The following MFSD6 variants were observed in gnomAD, a reference collection of about 807,000 sequenced individuals.
MFSD6 encodes the protein major facilitator superfamily domain containing 6, also known as major facilitator superfamily domain-containing protein 6.
MFSD6 carries 26 observed loss-of-function variants against 56.3 expected under a neutral mutation model. The ratio of observed to expected loss-of-function variants is 0.46; its 90% confidence interval spans 0.34 to 0.64. The LOEUF (loss-of-function observed/expected upper bound fraction) is 0.64, where lower values mean the gene tolerates loss of function less well. Among genes scored for constraint, MFSD6 ranks in the 30% least tolerant of loss-of-function variants. The probability of loss-of-function intolerance (pLI) is 0.01; values close to 1 mark genes in which losing one functional copy is unlikely to be tolerated. For synonymous variants in MFSD6, 331 were observed against 366.9 expected (o/e 0.90, Z 1.12); for missense variants, 750 against 986.2 (o/e 0.76, Z 3.21).
chr2:190,428,843 T>TTGTA (rs1301511729), intron 2 of MFSD6, among the ~76,000 whole-genome samples: 12 of 151,948 alleles, frequency 7.9e-5, no homozygotes, highest in Admixed American at 7.9e-4. Flanking sequence ...TGGCTAATTT[T>TTGTA]TTTAGTTTTA....
At chr2:190,427,426 A>G (rs774339029) in intron 2 of MFSD6, among the ~76,000 whole-genome samples, 4 of 152,190 alleles carry the variant, frequency 2.6e-5, no homozygotes, top group East Asian at 1.9e-4. Flanking sequence ...GTTATTATCT[A>G]AAGTTCTGTG....
At chr2:190,460,942 A>C (rs1357342125) in intron 3 of MFSD6, among the ~76,000 whole-genome samples, 1 of 152,212 alleles carries the variant, frequency 6.6e-6, no homozygotes, top group Non-Finnish European at 1.5e-5. Flanking sequence ...CTGATGATCC[A>C]TGCAGCTCTT....
chr2:190,410,623 C>T lies in MFSD6; in HGVS notation c.-176+2120C>T, dbSNP rs1198276945. ...GTTGTAGATTGAAGGCAGTATGAAGCTGACAGGTTTCTTTGTTTTACTTCC... is the reference window on the plus strand; with the variant it reads ...GTTGTAGATTGAAGGCAGTATGAAGTTGACAGGTTTCTTTGTTTTACTTCC... On this transcript the variant is annotated intron_variant, in intron 1 of 7. Coordinates refer to ENST00000392328, the MANE Select transcript of MFSD6 (RefSeq NM_017694.4). The surrounding 1 kb of genome is among the most constrained non-coding windows in gnomAD (Gnocchi z 4.4). 3.9e-5 allele frequency among the ~76,000 whole-genome samples: 6 copies of T among 152,208 alleles called. No homozygotes were observed. Among genetic ancestry groups the T allele is most frequent in the Non-Finnish European group, 8.8e-5 (6 of 68,038 alleles).
In MFSD6 at chr2:190,497,520, CAGA is replaced by C. The variant is rs1689772162; in HGVS notation, c.1977_1979del (p.Glu659del). 5.6e-6 allele frequency: 9 copies of C among 1,614,178 alleles called. No homozygotes were observed. The highest frequency in any genetic ancestry group is 1.6e-4 in the Middle Eastern group (1 of 6,062). On this transcript the variant is annotated inframe_deletion, in exon 7 of 8. Coordinates refer to ENST00000392328, the MANE Select transcript of MFSD6 (RefSeq NM_017694.4). This position sits in a 1 kb window ranked among gnomAD's most constrained non-coding sequence, Gnocchi z 5.2. ...ACCATCGACTTGGTACAGCAACAGACAGAAGATGTCATGCCACGCATTGAGCCC... is the reference window on the plus strand; with the variant it reads ...ACCATCGACTTGGTACAGCAACAGACAGATGTCATGCCACGCATTGAGCCC...
chr2:190,466,060 C>G (rs4853509), intron 3 of MFSD6, among the ~76,000 whole-genome samples: 84,262 of 152,064 alleles, frequency 0.55, 24,278 homozygotes, highest in Admixed American at 0.65. Context: ...AAGGGCCTCT[C>G]TCTTTGGCTT....
intron 3 of MFSD6, among the ~76,000 whole-genome samples, chr2:190,453,609 G>T (rs1469146330): frequency 6.6e-6 from 1 of 152,296 alleles, no homozygotes; most frequent in East Asian, 1.9e-4. Context: ...TCTAACGTGG[G>T]CATAAAAATT....
chr2:190,480,968 G>A (rs970164584), intron 4 of MFSD6, among the ~76,000 whole-genome samples: 1 of 152,184 alleles, frequency 6.6e-6, no homozygotes, highest in African/African-American at 2.4e-5. Context: ...ATTAAAGCCT[G>A]GCTATGAATT....
chr2:190,478,827 G>A (rs1688493158), intron 4 of MFSD6, among the ~76,000 whole-genome samples: 1 of 57,536 alleles, frequency 1.7e-5, no homozygotes, highest in African/African-American at 4.4e-5. Flanking sequence ...ATACAAGAGG[G>A]TCTTCCTTAA....
chr2:190,450,518 GGTCTCACTCT>G (rs1325756590), intron 3 of MFSD6, among the ~76,000 whole-genome samples: 1 of 112,334 alleles, frequency 8.9e-6, no homozygotes, highest in East Asian at 2.4e-4. Flanking sequence ...TTGAGACAGG[GGTCTCACTCT>G]GTCTCCCAGG....
rs752174884 is a variant in MFSD6 at position 190,488,722 on chromosome 2, C to T, written c.1696C>T (p.Leu566=). The stretch of plus-strand genomic sequence containing the variant: ...CCTCAGTGCAGCCGTTCCCCCTGAG[C>T]TGAGGACATCTGCTCAGGGCATCCT... ...SYLSAAVPPE[L]RTSAQGILQG... is the part of the protein sequence containing the mutation. Residue 566 remains leucine (L), a synonymous_variant, in exon 5 of 8, where the codon CTG becomes TTG. Coordinates refer to ENST00000392328, the MANE Select transcript of MFSD6 (RefSeq NM_017694.4). This position sits in a 1 kb window ranked among gnomAD's most constrained non-coding sequence, Gnocchi z 6.4. 75 of 1,609,400 alleles carry T rather than the reference C, an allele frequency of 4.7e-5. No homozygotes were observed. Among genetic ancestry groups the T allele is most frequent in the Non-Finnish European group, 4.0e-5 (47 of 1,178,046 alleles).
rs1252371575 is a variant in MFSD6 at position 190,489,939 on chromosome 2, C to A, written c.1891+73C>A. 1.5e-6 allele frequency: 2 copies of A among 1,298,308 alleles called. No homozygotes were observed. The highest frequency in any genetic ancestry group is 2.1e-5 in the Admixed American group (1 of 47,870). 80.4% of individuals were successfully genotyped at this position (1,298,308 alleles called of 1,614,324 possible). Reference sequence around the variant, plus strand: ...GGAAGTCAACAAATGCCCCGAGAAGCCTAGAAGTGGTACAGAGTATACAAC... The same window carrying A: ...GGAAGTCAACAAATGCCCCGAGAAGACTAGAAGTGGTACAGAGTATACAAC... On this transcript the variant is annotated intron_variant, in intron 6 of 7. Coordinates refer to ENST00000392328, the MANE Select transcript of MFSD6 (RefSeq NM_017694.4). This position sits in a 1 kb window ranked among gnomAD's most constrained non-coding sequence, Gnocchi z 6.6.
At chr2:190,427,924 G>T (rs1216043788) in intron 2 of MFSD6, among the ~76,000 whole-genome samples, 2 of 152,108 alleles carry the variant, frequency 1.3e-5, no homozygotes, top group African/African-American at 2.4e-5. Context: ...TAGAGATGGG[G>T]TTTCACCACG....
rs1463152245 is a variant in MFSD6, at chr2:190,437,420, T to C, written c.1391T>C (p.Val464Ala). The C allele has an allele frequency of 6.2e-7, 1 of 1,614,112 alleles. No individual in the cohort carries two copies. The change falls in exon 3 of 8, where the codon GTG becomes GCG. Residue 464 changes from valine (V) to alanine (A), a missense_variant. Val to Ala is a moderately conservative substitution (Grantham distance 64). This residue lies in a region of MFSD6 where 125 missense variants were observed against 223.1 expected (regional missense o/e 0.56). Transcript: ENST00000392328. This position sits in a 1 kb window ranked among gnomAD's most constrained non-coding sequence, Gnocchi z 5.9. Reference protein sequence around the residue: ...AWFMGFGYGFVFTFLYWHLED... With the variant: ...AWFMGFGYGFAFTFLYWHLED... ...TTCATGGGTTTTGGATATGGCTTCGTGTTCACCTTTCTCTACTGGCATTTG... is the reference window on the plus strand; with the variant it reads ...TTCATGGGTTTTGGATATGGCTTCGCGTTCACCTTTCTCTACTGGCATTTG...
rs11899587 is a variant in MFSD6, at chr2:190,471,812, G to A, written c.1630+1957G>A. 0.019 allele frequency among the ~76,000 whole-genome samples: 2,834 copies of A among 152,236 alleles called. 112 individuals are homozygous for A. The highest frequency in any genetic ancestry group is 0.064 in the African/African-American group (2,668 of 41,544). Reference sequence around the variant, plus strand: ...GCCTCCTCAAGTGGGTCCCTGACCCGCAAGTAGCCTAACTGGGAGGCACCC... The same window carrying A: ...GCCTCCTCAAGTGGGTCCCTGACCCACAAGTAGCCTAACTGGGAGGCACCC... On this transcript the variant is annotated intron_variant, in intron 4 of 7. Transcript: ENST00000392328. This position sits in a 1 kb window ranked among gnomAD's most constrained non-coding sequence, Gnocchi z 4.7.
In MFSD6 at chr2:190,481,239, A is replaced by C. The variant is rs980235666; in HGVS notation, c.1631-7418A>C. On this transcript the variant is annotated intron_variant, in intron 4 of 7. Coordinates refer to ENST00000392328, the MANE Select transcript of MFSD6 (RefSeq NM_017694.4). Reference sequence around the variant, plus strand: ...AAAGGCATAATGCCAGCATGTAAAAATTCACGAGGGCCCCCTAGAACATTG... The same window carrying C: ...AAAGGCATAATGCCAGCATGTAAAACTTCACGAGGGCCCCCTAGAACATTG... Among the ~76,000 whole-genome samples, 132 of 152,368 alleles carry C rather than the reference A, an allele frequency of 8.7e-4. 1 individual carries two copies. The highest frequency in any genetic ancestry group is 2.8e-3 in the African/African-American group (115 of 41,586).
chr2:190,409,898 A>T (rs965024430), intron 1 of MFSD6, among the ~76,000 whole-genome samples: 1 of 152,180 alleles, frequency 6.6e-6, no homozygotes, highest in Admixed American at 6.5e-5. Context: ...AAAATTTAGG[A>T]TTGCTTAGGG....
rs1174006539 is a variant in MFSD6 at position 190,437,129 on chromosome 2, A to G, written c.1100A>G (p.Asn367Ser). Residue 367 changes from asparagine to serine, a missense_variant, in exon 3 of 8, where the codon AAT becomes AGT. Asn to Ser is a conservative substitution (Grantham distance 46). Around this residue, in one of 5 missense-constraint regions of MFSD6, gnomAD observed 376 missense variants for 437.9 expected, o/e 0.86. Transcript: ENST00000392328. The surrounding 1 kb of genome is among the most constrained non-coding windows in gnomAD (Gnocchi z 5.9). ...GKGCKPPEYRNYQIVFIVFGV... is the reference protein window; with the variant it reads ...GKGCKPPEYRSYQIVFIVFGV... The stretch of plus-strand genomic sequence containing the variant: ...GGGTGTAAGCCCCCCGAGTACAGGA[A>G]TTACCAGATCGTCTTCATCGTCTTC... The G allele has an allele frequency of 6.8e-6, 11 of 1,614,142 alleles. No individual in the cohort carries two copies. Among genetic ancestry groups the G allele is most frequent in the Non-Finnish European group, 9.3e-6 (11 of 1,180,054 alleles).
At position 190,497,427 on chromosome 2, in the gene MFSD6, T is replaced by C. The variant is rs1308299287; in HGVS notation, c.1892-12T>C. ...TGCTGAAAAAATAGTTTAAACATTCTTTTCTCTCCAGACAAGACAATGTTG... is the reference window on the plus strand; with the variant it reads ...TGCTGAAAAAATAGTTTAAACATTCCTTTCTCTCCAGACAAGACAATGTTG... On this transcript the variant is annotated splice_polypyrimidine_tract_variant and intron_variant, in intron 6 of 7. Coordinates refer to ENST00000392328, the MANE Select transcript of MFSD6 (RefSeq NM_017694.4). The surrounding 1 kb of genome is among the most constrained non-coding windows in gnomAD (Gnocchi z 5.2). The C allele has an allele frequency of 1.2e-6, 2 of 1,607,280 alleles. No individual in the cohort carries two copies. The highest frequency in any genetic ancestry group is 1.1e-5 in the South Asian group (1 of 90,158).
At chr2:190,473,771 T>C (rs1028808876) in intron 4 of MFSD6, among the ~76,000 whole-genome samples, 1 of 152,140 alleles carries the variant, frequency 6.6e-6, no homozygotes, top group Admixed American at 6.5e-5. Context: ...ATATACATTC[T>C]TTTCAGCACC....
Sources: gnomAD v4.1 joint callset for allele counts (sites outside exome capture counted in the v4.1 genomes callset) on GRCh38, gnomAD v4.1.1 for gene constraint, gnomAD v4.1.1 regional missense constraint, Gnocchi (gnomAD v3.1) non-coding constraint, MANE v1.5 for transcripts, NCBI Gene and HGNC (gene_info 2026-07-23, HGNC 2026-07-21) for gene names.